TULP4: variants seen among roughly 807,000 people sequenced by gnomAD.
TULP4 encodes the protein tubby-related protein 4.
A neutral mutation model predicts 129.0 loss-of-function variants in TULP4; 16 were observed. The observed-to-expected ratio is 0.12, with a 90% CI of 0.08 to 0.19. The LOEUF is 0.19. TULP4 is among the 10% of genes least tolerant of loss of function. The pLI, the probability that TULP4 is intolerant of heterozygous loss-of-function variation, is 1.00. For missense variants in TULP4, 1,842 were observed against 2,059.1 expected (o/e 0.89, Z 2.04); for synonymous variants, 998 against 854.0 (o/e 1.17, Z -2.94).
chr6:158,454,285 T>C (rs1426960313), intron 5 of TULP4, among the ~76,000 whole-genome samples: 1 of 152,268 alleles, frequency 6.6e-6, no homozygotes, highest in African/African-American at 2.4e-5. Context: ...CTGAATGTTC[T>C]GTCTTTCATG....
intron 6 of TULP4, among the ~76,000 whole-genome samples, chr6:158,470,175 G>A (rs1205764837): frequency 1.3e-5 from 2 of 152,218 alleles, no homozygotes; most frequent in East Asian, 1.9e-4. Flanking sequence ...TGGGCACCTC[G>A]CTGGATCAGG....
At position 158,503,606 on chromosome 6, in the gene TULP4, T is replaced by C. The variant is rs761783648; in HGVS notation, c.3943T>C (p.Phe1315Leu). The C allele has an allele frequency of 6.2e-7, 1 of 1,613,974 alleles. No individual in the cohort carries two copies. The highest frequency in any genetic ancestry group is 1.1e-5 in the South Asian group (1 of 91,080). The change falls in exon 13 of 14, where the codon TTC becomes CTC. Residue 1315 changes from phenylalanine (F) to leucine (L), a missense_variant. By Grantham distance (22) the Phe-to-Leu change is conservative (BLOSUM62 0). Transcript: ENST00000367097. This position sits in a 1 kb window ranked among gnomAD's most constrained non-coding sequence, Gnocchi z 4.3. Reference sequence around the variant, plus strand: ...GGTGATGGTAGAGACTGCAGACAACTTCCAGGAAGTCCTCTCCCTGACCGA... The same window carrying C: ...GGTGATGGTAGAGACTGCAGACAACCTCCAGGAAGTCCTCTCCCTGACCGA... Reference protein sequence around the residue: ...TEVMVETADNFQEVLSLTESP... With the variant: ...TEVMVETADNLQEVLSLTESP...
At chr6:158,386,507 A>G (rs1583823001) in intron 1 of TULP4, among the ~76,000 whole-genome samples, 1 of 152,212 alleles carries the variant, frequency 6.6e-6, no homozygotes, top group African/African-American at 2.4e-5. Flanking sequence ...AATAGAGGCA[A>G]TGTAATAAAT....
chr6:158,477,062 T>G (rs1206178919), intron 6 of TULP4, among the ~76,000 whole-genome samples: 1 of 152,200 alleles, frequency 6.6e-6, no homozygotes, highest in African/African-American at 2.4e-5. Context: ...GAGCATTTGA[T>G]GTGCTTGCTG....
intron 1 of TULP4, among the ~76,000 whole-genome samples, chr6:158,379,452 A>G (rs1237884304): frequency 1.3e-5 from 2 of 152,210 alleles, no homozygotes; most frequent in African/African-American, 4.8e-5. Context: ...TTGAGACTGG[A>G]CTGATAGTAA....
intron 1 of TULP4, among the ~76,000 whole-genome samples, chr6:158,307,145 G>A (rs548279561): frequency 3.9e-5 from 6 of 152,172 alleles, no homozygotes; most frequent in African/African-American, 1.4e-4. Context: ...TTAATAATAA[G>A]AGTGTATTGT....
chr6:158,353,986 C>T (rs117760808), intron 1 of TULP4, among the ~76,000 whole-genome samples: 2 of 152,228 alleles, frequency 1.3e-5, no homozygotes, highest in Non-Finnish European at 2.9e-5. Context: ...CTGTGGTCAT[C>T]GGCCCCAGAG....
intron 1 of TULP4, among the ~76,000 whole-genome samples, chr6:158,405,582 G>A (rs113468242): frequency 2.2e-4 from 33 of 152,200 alleles, no homozygotes; most frequent in African/African-American, 6.3e-4. Flanking sequence ...AGATACAATC[G>A]ATCCTGGGAG....
intron 1 of TULP4, among the ~76,000 whole-genome samples, chr6:158,351,936 G>A (rs1388043149): frequency 6.6e-6 from 1 of 151,880 alleles, no homozygotes; most frequent in East Asian, 1.9e-4. Flanking sequence ...TGGCCAGGCT[G>A]GTCTTGAGCC....
chr6:158,286,797 C>T (rs1778843006), intron 1 of TULP4, among the ~76,000 whole-genome samples: 1 of 152,158 alleles, frequency 6.6e-6, no homozygotes, highest in East Asian at 1.9e-4. Context: ...TTTTAAGAAC[C>T]CCAAATTTTT....
intron 1 of TULP4, among the ~76,000 whole-genome samples, chr6:158,241,624 T>C (rs1388643678): frequency 6.6e-6 from 1 of 151,772 alleles, no homozygotes; most frequent in Non-Finnish European, 1.5e-5. Flanking sequence ...AGATGGTGTC[T>C]CGCTCTGTCA....
intron 2 of TULP4, chr6:158,427,912 G>T (rs112542926): frequency 0.24 from 36,662 of 152,168 alleles, 5,678 homozygotes; most frequent in Non-Finnish European, 0.35. Flanking sequence ...TTGAGGTCAG[G>T]AGTTGGAGAC....
At chr6:158,488,235 A>G (rs184384004) in intron 8 of TULP4, among the ~76,000 whole-genome samples, 1 of 152,322 alleles carries the variant, frequency 6.6e-6, no homozygotes, top group African/African-American at 2.4e-5. Context: ...CTCAAGTCGA[A>G]TCACACACAC....
chr6:158,376,948 G>C (rs1000206192), intron 1 of TULP4, among the ~76,000 whole-genome samples: 1 of 152,218 alleles, frequency 6.6e-6, no homozygotes, highest in South Asian at 2.1e-4. Context: ...TGCCTACCTC[G>C]AGGCTGTTTG....
At chr6:158,469,237 T>C (rs1779618560) in intron 6 of TULP4, among the ~76,000 whole-genome samples, 1 of 151,122 alleles carries the variant, frequency 6.6e-6, no homozygotes, top group East Asian at 1.9e-4. Flanking sequence ...TCTGGAGGAC[T>C]GTGAGGAGGA....
intron 7 of TULP4, among the ~76,000 whole-genome samples, chr6:158,480,545 G>T (rs1484542122): frequency 6.6e-6 from 1 of 152,236 alleles, no homozygotes; most frequent in Non-Finnish European, 1.5e-5. Flanking sequence ...GAATGCATCT[G>T]CCAGTTGCTG....
At chr6:158,280,402 G>T (rs1778728181), upstream of TULP4, among the ~76,000 whole-genome samples, 1 of 151,988 alleles carries the variant, frequency 6.6e-6, no homozygotes, top group African/African-American at 2.4e-5. Flanking sequence ...TCTTTACCAG[G>T]AATCTATTTT....
At chr6:158,475,164 G>A (rs1583917108) in intron 6 of TULP4, among the ~76,000 whole-genome samples, 1 of 152,280 alleles carries the variant, frequency 6.6e-6, no homozygotes. Flanking sequence ...CCTGGTGGGA[G>A]GTGAGGCAGG....
Position 158,388,534 on chromosome 6 carries a change from T to C in TULP4, c.253-24531T>C, listed in dbSNP as rs1175520782. Among the ~76,000 whole-genome samples, 3 of 151,896 alleles carry C rather than the reference T, an allele frequency of 2.0e-5. No individual in the cohort carries two copies. In the East Asian group the frequency reaches 5.8e-4, roughly 30 times the overall value. Reference sequence around the variant, plus strand: ...TTAGTAGAGATGGGGTTTCACCGTGTTAGCCAGGATGGTCTTGATCTCCTG... The same window carrying C: ...TTAGTAGAGATGGGGTTTCACCGTGCTAGCCAGGATGGTCTTGATCTCCTG... On this transcript the variant is annotated intron_variant, in intron 1 of 13. Transcript: ENST00000367097.
Sources: gnomAD v4.1 joint callset for allele counts (sites outside exome capture counted in the v4.1 genomes callset) on GRCh38, gnomAD v4.1.1 for gene constraint, Gnocchi (gnomAD v3.1) non-coding constraint, MANE v1.5 for transcripts, NCBI Gene and HGNC (gene_info 2026-07-23, HGNC 2026-07-21) for gene names.